SPSB4: variants seen among roughly 807,000 people sequenced by gnomAD.
SPSB4 encodes the protein SPRY domain-containing SOCS box protein 4.
A neutral mutation model predicts 20.9 loss-of-function variants in SPSB4; 21 were observed. The observed-to-expected ratio is 1.01, with a 90% CI of 0.71 to 1.45. SPSB4 has a LOEUF of 1.45. SPSB4 is among the 40% of genes most tolerant of loss of function. The pLI, the probability that SPSB4 is intolerant of heterozygous loss-of-function variation, is 0.00. For synonymous variants in SPSB4, 207 were observed against 183.8 expected, an observed-to-expected ratio of 1.13 and a Z score of -1.02; for missense variants, 399 against 399.2, an observed-to-expected ratio of 1.00 and a Z score of 0.00.
intron 2 of SPSB4, among the ~76,000 whole-genome samples, chr3:141,090,556 G>T (rs921214051): frequency 2.0e-5 from 3 of 152,114 alleles, no homozygotes; most frequent in Non-Finnish European, 2.9e-5. Context: ...TCTGGGGAGG[G>T]TTATCCAGGC....
intron 2 of SPSB4, among the ~76,000 whole-genome samples, chr3:141,132,982 A>G (rs1253835110): frequency 6.6e-6 from 1 of 151,946 alleles, no homozygotes; most frequent in African/African-American, 2.4e-5. Flanking sequence ...GACGTCTGTT[A>G]TTTCTTAAAT....
intron 1 of SPSB4, among the ~76,000 whole-genome samples, chr3:141,060,073 C>A (rs186911287): frequency 6.6e-6 from 1 of 152,116 alleles, no homozygotes; most frequent in East Asian, 1.9e-4. Flanking sequence ...AGCAAAGGGG[C>A]TGTCTATTTA....
chr3:141,071,629 T>G (rs547821679), intron 2 of SPSB4, among the ~76,000 whole-genome samples: 2 of 152,278 alleles, frequency 1.3e-5, no homozygotes, highest in African/African-American at 4.8e-5. Flanking sequence ...TATACCCAGC[T>G]CTGCCTCCTA....
At chr3:141,123,670 T>G (rs1939006262) in intron 2 of SPSB4, among the ~76,000 whole-genome samples, 1 of 152,234 alleles carries the variant, frequency 6.6e-6, no homozygotes, top group South Asian at 2.1e-4. Context: ...AGCACCCTTC[T>G]GCTTCCCCTG....
rs151335795 is a variant in SPSB4, at chr3:141,103,555, T to C, written c.694+36757T>C. On this transcript the variant is annotated intron_variant, in intron 2 of 2. Coordinates refer to ENST00000310546, the MANE Select transcript of SPSB4 (RefSeq NM_080862.3). Reference sequence around the variant, plus strand: ...ATTAAAGAAAGGTCTTCTCAGGTGCTACTTGCTTGCAGTTCATTTATACCT... The same window carrying C: ...ATTAAAGAAAGGTCTTCTCAGGTGCCACTTGCTTGCAGTTCATTTATACCT... Among the ~76,000 whole-genome samples the C allele has an allele frequency of 9.8e-3, 1,488 of 152,340 alleles. 29 individuals carry two copies. The highest frequency in any genetic ancestry group is 0.034 in the African/African-American group (1,426 of 41,580).
At position 141,055,772 on chromosome 3, in the gene SPSB4, C is replaced by T. The variant is rs1937624412; in HGVS notation, c.-154+3780C>T. Among the ~76,000 whole-genome samples, 3 of 152,258 alleles carry T rather than the reference C, an allele frequency of 2.0e-5. No individual in the cohort carries two copies. In the South Asian group the frequency reaches 6.2e-4, roughly 32 times the overall value. ...CCTAGGACCTGCAGATTCCGAGGTG[C>T]ACATGGACCACAGATGTCCCGCAGG... On this transcript the variant is annotated intron_variant, in intron 1 of 2. Coordinates refer to ENST00000310546, the MANE Select transcript of SPSB4 (RefSeq NM_080862.3).
At chr3:141,105,140 C>T (rs2107796450) in intron 2 of SPSB4, among the ~76,000 whole-genome samples, 1 of 152,282 alleles carries the variant, frequency 6.6e-6, no homozygotes, top group East Asian at 1.9e-4. Context: ...ACAGGTGAGG[C>T]CAGAAAGGCT....
chr3:141,055,575 A>G (rs550330987), intron 1 of SPSB4, among the ~76,000 whole-genome samples: 1 of 152,284 alleles, frequency 6.6e-6, no homozygotes, highest in East Asian at 1.9e-4. Flanking sequence ...TGGCGGGCAA[A>G]CAGTGGAGTC....
chr3:141,129,593 A>G (rs1045283658), intron 2 of SPSB4, among the ~76,000 whole-genome samples: 3 of 152,178 alleles, frequency 2.0e-5, no homozygotes, highest in African/African-American at 7.2e-5. Context: ...ATGCACACGC[A>G]TGCACACATG....
chr3:141,130,816 A>G (rs144751220), intron 2 of SPSB4, among the ~76,000 whole-genome samples: 1 of 152,236 alleles, frequency 6.6e-6, no homozygotes, highest in East Asian at 1.9e-4. Flanking sequence ...GTCCCTGGGA[A>G]GTCCAATGGC....
chr3:141,066,144 G>C lies in SPSB4; in HGVS notation c.40G>C (p.Val14Leu). ...CTCGGGGAGCCTCAAGTCAGTGGAG[G>C]TGCGAGAGCCGGCGCTGCGGCCGGC... ...KLSGSLKSVE[V>L]REPALRPAKR... The change falls in exon 2 of 3, where the codon GTG becomes CTG. Residue 14 changes from valine (V) to leucine (L), a missense_variant. Physicochemically the swap from Val to Leu is conservative, Grantham distance 32. Transcript: ENST00000310546. The C allele has an allele frequency of 9.1e-6, 14 of 1,532,798 alleles. No individual in the cohort carries two copies. Among genetic ancestry groups the C allele is most frequent in the Non-Finnish European group, 1.2e-5 (14 of 1,142,380 alleles). The allele number at this position is 1,532,798 out of a possible 1,614,324, so 94.9% of individuals were successfully genotyped here. A position where few individuals can be genotyped will look rare whatever the true frequency, so the allele number is the denominator to read the frequency against.
At chr3:141,064,905 G>T (rs1380590965) in intron 1 of SPSB4, among the ~76,000 whole-genome samples, 1 of 152,130 alleles carries the variant, frequency 6.6e-6, no homozygotes, top group African/African-American at 2.4e-5. Flanking sequence ...GGCAGTCTGG[G>T]GTCAGTGCTG....
At chr3:141,090,559 A>G (rs1312071305) in intron 2 of SPSB4, among the ~76,000 whole-genome samples, 1 of 152,170 alleles carries the variant, frequency 6.6e-6, no homozygotes, top group Non-Finnish European at 1.5e-5. Context: ...GGGGAGGGTT[A>G]TCCAGGCAGC....
intron 2 of SPSB4, among the ~76,000 whole-genome samples, chr3:141,083,801 C>T (rs1332392363): frequency 6.6e-6 from 1 of 151,996 alleles, no homozygotes; most frequent in Non-Finnish European, 1.5e-5. Context: ...TCTGTGGGGT[C>T]TTTATAAGGC....
intron 2 of SPSB4, among the ~76,000 whole-genome samples, chr3:141,119,791 T>C (rs913417814): frequency 6.6e-6 from 1 of 152,160 alleles, no homozygotes; most frequent in South Asian, 2.1e-4. Flanking sequence ...ATCTATTTGA[T>C]TCTTCTCTCA....
chr3:141,053,124 C>G (rs1279935191), intron 1 of SPSB4, among the ~76,000 whole-genome samples: 2 of 151,982 alleles, frequency 1.3e-5, no homozygotes, highest in Non-Finnish European at 2.9e-5. Context: ...CTTCTGCGCC[C>G]CACTCTCCTC....
In SPSB4 at chr3:141,106,252, A is replaced by G. The variant is rs545920592; in HGVS notation, c.694+39454A>G. On this transcript the variant is annotated intron_variant, in intron 2 of 2. Transcript: ENST00000310546. Reference sequence around the variant, plus strand: ...GCACTGAACTCAAAGAAAAATGCTCAGGTGGGTTTTGAGGTACCAGTTGGG... The same window carrying G: ...GCACTGAACTCAAAGAAAAATGCTCGGGTGGGTTTTGAGGTACCAGTTGGG... 1.4e-4 allele frequency among the ~76,000 whole-genome samples: 21 copies of G among 152,312 alleles called. No individual in the cohort carries two copies. In the South Asian group the frequency reaches 2.5e-3, roughly 18 times the overall value.
rs1214603637 is a variant in SPSB4 at position 141,133,663 on chromosome 3, A to G, written c.695-13479A>G. ...CATTGGTCTACATGCCTATTTTTAT[A>G]CCAGTACCATGCTGTTTTGGTAACT... On this transcript the variant is annotated intron_variant, in intron 2 of 2. Transcript: ENST00000310546. Among the ~76,000 whole-genome samples the G allele has an allele frequency of 3.3e-5, 5 of 152,316 alleles. No individual in the cohort carries two copies. The East Asian group carries it at 5.8e-4, about 18-fold the overall frequency.
rs138467284 is a variant in SPSB4, at chr3:141,141,352, C to T, written c.695-5790C>T. On this transcript the variant is annotated intron_variant, in intron 2 of 2. Transcript: ENST00000310546. ...AACCCACTGTCCTGTACCCACTGTC[C>T]GGCACTCCCCTGTGAGATGAACCCG... Among the ~76,000 whole-genome samples the T allele has an allele frequency of 3.0e-3, 450 of 152,274 alleles. 9 individuals are homozygous for T. Among genetic ancestry groups the T allele is most frequent in the East Asian group, 0.018 (91 of 5,172 alleles).
Sources: gnomAD v4.1 joint callset for allele counts (sites outside exome capture counted in the v4.1 genomes callset) on GRCh38, gnomAD v4.1.1 for gene constraint, MANE v1.5 for transcripts, NCBI Gene and HGNC (gene_info 2026-07-23, HGNC 2026-07-21) for gene names.